The following RBMS3 variants were observed in gnomAD, a reference collection of about 807,000 sequenced individuals.
RBMS3 encodes RNA binding motif single stranded interacting protein 3, also known as RNA-binding motif, single-stranded-interacting protein 3.
A neutral mutation model predicts 66.8 loss-of-function variants in RBMS3; 27 were observed. The observed-to-expected ratio is 0.40, with a 90% CI of 0.30 to 0.56. The LOEUF (loss-of-function observed/expected upper bound fraction) is 0.56, where lower values mean the gene tolerates loss of function less well. RBMS3 is among the 20% of genes least tolerant of loss of function. The pLI is 0.40. For synonymous variants in RBMS3, 188 were observed against 183.0 expected (o/e 1.03, Z -0.22); for missense variants, 513 against 549.5 (o/e 0.93, Z 0.66).
At chr3:29,740,252 CTAAG>C (rs1395535024) in intron 5 of RBMS3, among the ~76,000 whole-genome samples, 1 of 152,006 alleles carries the variant, frequency 6.6e-6, no homozygotes, top group Admixed American at 6.6e-5. Flanking sequence ...AACAAAGCAT[CTAAG>C]TGTTTTTGCA....
intron 1 of RBMS3, among the ~76,000 whole-genome samples, chr3:29,285,802 A>G (rs1289674469): frequency 6.6e-6 from 1 of 152,298 alleles, no homozygotes; most frequent in South Asian, 2.1e-4. Flanking sequence ...AAACGCTTGA[A>G]AACACAAGTA....
intron 11 of RBMS3, among the ~76,000 whole-genome samples, chr3:29,937,532 C>A (rs192944848): frequency 5.7e-4 from 86 of 152,068 alleles, no homozygotes; most frequent in African/African-American, 2.0e-3. Flanking sequence ...GAAAGAGCCA[C>A]ATTCTTTCAA....
chr3:29,461,920 ATTTTTTTTTTTTTTTT>A (rs61115023), intron 2 of RBMS3, among the ~76,000 whole-genome samples: 2 of 93,300 alleles, frequency 2.1e-5, no homozygotes, highest in African/African-American at 4.1e-5. Flanking sequence ...TGCCCGGCTA[ATTTTTTTTTTTTTTTT>A]TTTTTTTTTT....
intron 12 of RBMS3, among the ~76,000 whole-genome samples, chr3:29,973,705 C>T (rs1346347668): frequency 2.0e-5 from 3 of 151,964 alleles, no homozygotes; most frequent in African/African-American, 7.2e-5. Context: ...TTTCTCTATT[C>T]TATCCTAGAA....
chr3:29,837,691 T>TGA lies in RBMS3; in HGVS notation c.638-31167_638-31166insGA, dbSNP rs1180867548. ...ATATATATATATATATATATATATATATATATATATATATATGCTTATTAG... is the reference window on the plus strand; with the variant it reads ...ATATATATATATATATATATATATATGAATATATATATATATATGCTTATTAG... On this transcript the variant is annotated intron_variant, in intron 6 of 14. Transcript: ENST00000383767. Among the ~76,000 whole-genome samples, 325 of 124,728 alleles carry TGA rather than the reference T, an allele frequency of 2.6e-3. 5 individuals are homozygous for TGA. Among genetic ancestry groups the TGA allele is most frequent in the African/African-American group, 9.6e-3 (288 of 30,080 alleles). 81.8% of individuals were successfully genotyped at this position (124,728 alleles called of 152,430 possible).
chr3:29,437,459 A>C (rs751405971), intron 2 of RBMS3, among the ~76,000 whole-genome samples: 1 of 152,250 alleles, frequency 6.6e-6, no homozygotes, highest in Non-Finnish European at 1.5e-5. Flanking sequence ...TGTGCATTTG[A>C]TAAAGAATAT....
chr3:29,293,308 A>C (rs921371416), intron 1 of RBMS3, among the ~76,000 whole-genome samples: 1 of 151,818 alleles, frequency 6.6e-6, no homozygotes, highest in Non-Finnish European at 1.5e-5. Context: ...CTGAGAAGGA[A>C]AAAGCAACAT....
At chr3:29,380,974 C>G (rs899554410) in intron 1 of RBMS3, among the ~76,000 whole-genome samples, 7 of 152,180 alleles carry the variant, frequency 4.6e-5, no homozygotes, top group Non-Finnish European at 1.0e-4. Context: ...AAACTACATG[C>G]TGTGCCACCG....
At chr3:29,728,219 A>T (rs1342744073) in intron 4 of RBMS3, among the ~76,000 whole-genome samples, 1 of 151,844 alleles carries the variant, frequency 6.6e-6, no homozygotes, top group Non-Finnish European at 1.5e-5. Flanking sequence ...GCAGGGGGGT[A>T]AGGGGAGGGA....
intron 4 of RBMS3, among the ~76,000 whole-genome samples, chr3:29,694,597 C>T (rs751567170): frequency 6.6e-6 from 1 of 152,030 alleles, no homozygotes; most frequent in Admixed American, 6.6e-5. Flanking sequence ...TAGGTGGTCA[C>T]AGTAATTTCC....
At position 30,004,123 on chromosome 3, in the gene RBMS3, CTA is replaced by C; in HGVS notation, c.*262_*263del. Reference sequence around the variant, plus strand: ...AAATTTCCAGAAGAGGAAAAAAAAACTACAAAAAACAAAACATTGAAGGTTGA... The same window carrying C: ...AAATTTCCAGAAGAGGAAAAAAAAACCAAAAAACAAAACATTGAAGGTTGA... On this transcript the variant is annotated 3_prime_UTR_variant, in exon 15 of 15. Transcript: ENST00000383767. The C allele has an allele frequency of 3.3e-6, 1 of 300,740 alleles. No individual in the cohort carries two copies. Among genetic ancestry groups the C allele is most frequent in the East Asian group, 5.2e-5 (1 of 19,298 alleles). The allele number at this position is 300,740 out of a possible 1,614,324, so 18.6% of individuals were successfully genotyped here.
chr3:29,472,122 T>A (rs1263176435), intron 2 of RBMS3, among the ~76,000 whole-genome samples: 1 of 151,928 alleles, frequency 6.6e-6, no homozygotes, highest in East Asian at 1.9e-4. Context: ...ACTGAACACA[T>A]CCAAGTAACC....
chr3:29,710,658 C>G (rs1307839519), intron 4 of RBMS3, among the ~76,000 whole-genome samples: 1 of 152,122 alleles, frequency 6.6e-6, no homozygotes, highest in Non-Finnish European at 1.5e-5. Flanking sequence ...GACTGAAAAC[C>G]ATAATCCGTC....
chr3:29,677,868 G>C (rs1038999548), intron 4 of RBMS3, among the ~76,000 whole-genome samples: 3 of 152,152 alleles, frequency 2.0e-5, no homozygotes, highest in African/African-American at 4.8e-5. Flanking sequence ...AGTCAGACAA[G>C]CTGAATTTTA....
intron 5 of RBMS3, among the ~76,000 whole-genome samples, chr3:29,740,901 C>T (rs1329542583): frequency 3.3e-5 from 5 of 151,990 alleles, no homozygotes; most frequent in East Asian, 1.9e-4. Flanking sequence ...TTAGCCGTTG[C>T]GTGGTGGCAC....
chr3:29,467,296 A>C (rs1216620298), intron 2 of RBMS3, among the ~76,000 whole-genome samples: 1 of 152,200 alleles, frequency 6.6e-6, no homozygotes, highest in South Asian at 2.1e-4. Flanking sequence ...TAGCTACTTC[A>C]GTTTTAGTAA....
intron 1 of RBMS3, among the ~76,000 whole-genome samples, chr3:29,365,325 T>C (rs1192419693): frequency 6.6e-6 from 1 of 151,942 alleles, no homozygotes; most frequent in African/African-American, 2.4e-5. Flanking sequence ...GAGATATATA[T>C]ATATATTCTT....
chr3:29,696,067 A>G (rs1398299222), intron 4 of RBMS3, among the ~76,000 whole-genome samples: 1 of 152,044 alleles, frequency 6.6e-6, no homozygotes, highest in African/African-American at 2.4e-5. Flanking sequence ...ACATTTTAAA[A>G]ACTCTCCATG....
At chr3:29,631,705 A>T (rs2049287800) in intron 4 of RBMS3, among the ~76,000 whole-genome samples, 2 of 151,818 alleles carry the variant, frequency 1.3e-5, no homozygotes, top group African/African-American at 4.8e-5. Flanking sequence ...GCCTAGTTTA[A>T]GCATGTTTTT....
Sources: allele counts gnomAD v4.1 joint callset (sites outside exome capture counted in the v4.1 genomes callset), GRCh38; gene constraint gnomAD v4.1.1; transcripts MANE v1.5; gene names NCBI Gene and HGNC (gene_info 2026-07-23, HGNC 2026-07-21).